Variants in LAMA3 observed in about 807,000 individuals in gnomAD.
LAMA3 encodes laminin subunit alpha 3, also known as laminin subunit alpha-3.
A neutral mutation model predicts 402.0 loss-of-function variants in LAMA3; 281 were observed. The observed-to-expected ratio is 0.70, with a 90% CI of 0.63 to 0.77. The LOEUF is 0.77. LAMA3 is among the 30% of genes least tolerant of loss of function. The probability of loss-of-function intolerance (pLI) is 0.00; values close to 1 mark genes in which losing one functional copy is unlikely to be tolerated. For missense variants in LAMA3, 3,840 were observed against 4,215.5 expected, an observed-to-expected ratio of 0.91 and a Z score of 2.47; for synonymous variants, 1,431 against 1,558.4, an observed-to-expected ratio of 0.92 and a Z score of 1.93.
At chr18:23,867,736 C>A in intron 36 of LAMA3, 98 bp from the exon 37 acceptor site, 2 of 916,748 alleles carry the variant, frequency 2.2e-6, no homozygotes, top group South Asian at 1.3e-5. Flanking sequence ...TCAGGTATGT[C>A]ATATGATGTA....
rs1220469465 is a variant in LAMA3, at chr18:23,918,074, G to A, written c.7923+1379G>A. On this transcript the variant is annotated intron_variant, in intron 60 of 74. Coordinates refer to ENST00000313654, the MANE Select transcript of LAMA3 (RefSeq NM_198129.4). The surrounding 1 kb of genome is among the most constrained non-coding windows in gnomAD (Gnocchi z 4.1). ...TCTTGAGTTGATTTTTGCATATGGT[G>A]AAAGGAAGGGGTCCAGTTTCAGTCT... Among the ~76,000 whole-genome samples the A allele has an allele frequency of 1.3e-5, 2 of 152,084 alleles. No homozygotes were observed. The highest frequency in any genetic ancestry group is 2.9e-5 in the Non-Finnish European group (2 of 67,992).
chr18:23,794,320 C>T (rs928488503), intron 12 of LAMA3, among the ~76,000 whole-genome samples: 5 of 152,228 alleles, frequency 3.3e-5, no homozygotes, highest in Non-Finnish European at 5.9e-5. Context: ...CCTAACACAC[C>T]CAACCTTATA....
intron 9 of LAMA3, among the ~76,000 whole-genome samples, chr18:23,774,985 A>G (rs1424595047): frequency 6.6e-6 from 1 of 152,080 alleles, no homozygotes; most frequent in South Asian, 2.1e-4. Context: ...TAGTTTTTTC[A>G]TCATTGAAGT....
intron 32 of LAMA3, among the ~76,000 whole-genome samples, chr18:23,855,979 A>C (rs1351678729): frequency 6.6e-6 from 1 of 152,224 alleles, no homozygotes; most frequent in African/African-American, 2.4e-5. Flanking sequence ...TGTCACAGCT[A>C]GAATAGTAAT....
chr18:23,737,136 C>A (rs2061490129), intron 2 of LAMA3, among the ~76,000 whole-genome samples: 1 of 152,082 alleles, frequency 6.6e-6, no homozygotes, highest in African/African-American at 2.4e-5. Context: ...TTAATCCACA[C>A]CTTCTGAGGC....
Position 23,714,064 on chromosome 18 carries a change from C to A in LAMA3, c.439C>A (p.Leu147Met). 3 of 1,613,774 alleles carry A rather than the reference C, an allele frequency of 1.9e-6. No individual in the cohort carries two copies. Among genetic ancestry groups the A allele is most frequent in the Non-Finnish European group, 2.5e-6 (3 of 1,179,878 alleles). The change falls in exon 2 of 75, where the codon CTG (leucine) becomes ATG (methionine). Residue 147 changes from leucine (L) to methionine (M), a missense_variant. This residue lies in a region of LAMA3 where 2,109 missense variants were observed against 2,376.0 expected (regional missense o/e 0.89). Coordinates refer to ENST00000313654, the MANE Select transcript of LAMA3 (RefSeq NM_198129.4). ...CAACAGAGTCAACCTCACCTTGGAT[C>A]TGGGGCAGGTGAGCTACACTTTTAA... ...QYNRVNLTLD[L>M]GQLFHVAYIL...
At chr18:23,855,979 A>G (rs1351678729) in intron 32 of LAMA3, among the ~76,000 whole-genome samples, 1 of 152,224 alleles carries the variant, frequency 6.6e-6, no homozygotes, top group Non-Finnish European at 1.5e-5. Context: ...TGTCACAGCT[A>G]GAATAGTAAT....
chr18:23,750,258 G>A (rs2061722106), intron 4 of LAMA3, among the ~76,000 whole-genome samples: 1 of 152,086 alleles, frequency 6.6e-6, no homozygotes, highest in Non-Finnish European at 1.5e-5. Flanking sequence ...TATGAACTGA[G>A]TTTCAAATAA....
chr18:23,940,200 T>A (rs2082450096), intron 68 of LAMA3, among the ~76,000 whole-genome samples: 2 of 152,058 alleles, frequency 1.3e-5, no homozygotes, highest in African/African-American at 4.8e-5. Flanking sequence ...CAGATGGCTG[T>A]GGGCCTGCAG....
At chr18:23,830,393 T>A (rs1487476998) in intron 23 of LAMA3, among the ~76,000 whole-genome samples, 1 of 152,154 alleles carries the variant, frequency 6.6e-6, no homozygotes, top group Non-Finnish European at 1.5e-5. Flanking sequence ...ACACTCTGTG[T>A]TTCTAATTCT....
chr18:23,928,608 C>A lies in LAMA3; in HGVS notation c.8296-17C>A, dbSNP rs766132811. On this transcript the variant is annotated splice_polypyrimidine_tract_variant and intron_variant, in intron 63 of 74. Coordinates refer to ENST00000313654, the MANE Select transcript of LAMA3 (RefSeq NM_198129.4). ...ATGATTACAATGCCAGTAATTTATT[C>A]CATGTTTGCATTTCAGCTTGTGCGA... is the stretch of plus-strand genomic sequence containing the variant. 3 of 1,613,078 alleles carry A rather than the reference C, an allele frequency of 1.9e-6. No homozygotes were observed. In the East Asian group the frequency reaches 6.7e-5, roughly 36 times the overall value.
rs560534813 is a variant in LAMA3 at position 23,768,360 on chromosome 18, T to C, written c.1182+4837T>C. ...AACAGACACTTTGCAGAAGAAGACA[T>C]ACAAGTGGCCAACAAACGTATGAAA... On this transcript the variant is annotated intron_variant, in intron 8 of 74. Transcript: ENST00000313654. Among the ~76,000 whole-genome samples the C allele has an allele frequency of 8.5e-5, 13 of 152,182 alleles. No individual in the cohort carries two copies. In the East Asian group the frequency reaches 2.3e-3, roughly 27 times the overall value.
intron 52 of LAMA3, among the ~76,000 whole-genome samples, chr18:23,907,269 C>T (rs2081282300): frequency 6.6e-6 from 1 of 152,220 alleles, no homozygotes; most frequent in Admixed American, 6.5e-5. Flanking sequence ...TTACTCTGAG[C>T]AGTTAAGAAG....
At chr18:23,816,539 A>G in intron 18 of LAMA3, 52 bp downstream of exon 18, 3 of 1,428,536 alleles carry the variant, frequency 2.1e-6, no homozygotes, top group Non-Finnish European at 3.0e-6. Context: ...AGATGGTCTT[A>G]GACATTCCTG....
In LAMA3 at chr18:23,931,728, C is replaced by T. The variant is rs542266468; in HGVS notation, c.8577-432C>T. ...TACAAAGTTCAAAAACAGGCAAGAA[C>T]TAATCCATTCCATCAGAATTCAGGA... On this transcript the variant is annotated intron_variant, in intron 65 of 74. Coordinates refer to ENST00000313654, the MANE Select transcript of LAMA3 (RefSeq NM_198129.4). The T allele has an allele frequency of 2.9e-5, 7 of 239,606 alleles. No individual in the cohort carries two copies. In the East Asian group the frequency reaches 7.6e-4, roughly 26 times the overall value. 14.8% of individuals were successfully genotyped at this position (239,606 alleles called of 1,614,324 possible).
chr18:23,884,746 T>C, intron 40 of LAMA3, 27 bp from the exon 41 acceptor site: 1 of 1,588,892 alleles, frequency 6.3e-7, no homozygotes, highest in Non-Finnish European at 8.6e-7. Flanking sequence ...GTGTTTTTGA[T>C]GGGGCCTTTT....
chr18:23,740,443 C>T (rs1190842398), intron 2 of LAMA3, among the ~76,000 whole-genome samples: 1 of 151,884 alleles, frequency 6.6e-6, no homozygotes, highest in African/African-American at 2.4e-5. Context: ...TTAAGATTGT[C>T]ATTTTCCAAG....
At chr18:23,912,103 A>T (rs978389201) in intron 55 of LAMA3, among the ~76,000 whole-genome samples, 2 of 145,236 alleles carry the variant, frequency 1.4e-5, no homozygotes, top group Non-Finnish European at 3.0e-5. Flanking sequence ...TATATTTAAA[A>T]ATATATATCT....
intron 27 of LAMA3, 124 bp from the exon 28 acceptor site, chr18:23,842,271 T>G: frequency 2.4e-6 from 3 of 1,234,072 alleles, no homozygotes; most frequent in Admixed American, 1.8e-5. Flanking sequence ...GGGTTGTCAT[T>G]TCACTTTGGT....
Sources: gnomAD v4.1 joint callset for allele counts (sites outside exome capture counted in the v4.1 genomes callset) on GRCh38, gnomAD v4.1.1 for gene constraint, gnomAD v4.1.1 regional missense constraint, Gnocchi (gnomAD v3.1) non-coding constraint, MANE v1.5 for transcripts, NCBI Gene and HGNC (gene_info 2026-07-23, HGNC 2026-07-21) for gene names.